Variants in IQSEC3 observed in about 807,000 individuals in gnomAD.
The protein encoded by IQSEC3 is IQ motif and SEC7 domain-containing protein 3.
In IQSEC3, 50 loss-of-function variants were observed where a neutral mutation model predicts 105.4. That is an observed-to-expected ratio of 0.47 (90% CI 0.38 to 0.60). The LOEUF (loss-of-function observed/expected upper bound fraction) is 0.60, where lower values mean the gene tolerates loss of function less well. Among genes scored for constraint, IQSEC3 ranks in the 20% least tolerant of loss-of-function variants. The probability of loss-of-function intolerance (pLI) is 0.00; values close to 1 mark genes in which losing one functional copy is unlikely to be tolerated. For synonymous variants in IQSEC3, 708 were observed against 746.0 expected, an observed-to-expected ratio of 0.95 and a Z score of 0.83; for missense variants, 1,415 against 1,630.0, an observed-to-expected ratio of 0.87 and a Z score of 2.27.
In IQSEC3 at chr12:129,844, C is replaced by G. The variant is rs868918805; in HGVS notation, c.903+3932C>G. Reference sequence around the variant, plus strand: ...CCCCTCCCCACAGATCCCCATACCCCAAGCCTCAGGGTCCAGCCTCACTAT... The same window carrying G: ...CCCCTCCCCACAGATCCCCATACCCGAAGCCTCAGGGTCCAGCCTCACTAT... On this transcript the variant is annotated intron_variant, in intron 3 of 13. Coordinates refer to ENST00000538872, the MANE Select transcript of IQSEC3 (RefSeq NM_001170738.2). 2.6e-5 allele frequency among the ~76,000 whole-genome samples: 4 copies of G among 152,298 alleles called. No homozygotes were observed. In the East Asian group the frequency reaches 7.7e-4, roughly 29 times the overall value.
Position 174,823 on chromosome 12 carries a change from G to A in IQSEC3, c.3339G>A (p.Leu1113=), listed in dbSNP as rs1345927104. The A allele has an allele frequency of 1.3e-6, 2 of 1,581,942 alleles. No homozygotes were observed. The highest frequency in any genetic ancestry group is 1.7e-6 in the Non-Finnish European group (2 of 1,172,536). ...DKPCLARMEP[L]LSQALSCYTS... ...CCTGCCTGGCCCGCATGGAGCCCCTGCTGAGCCAGGCTCTCTCCTGCTACA... is the reference window on the plus strand; with the variant it reads ...CCTGCCTGGCCCGCATGGAGCCCCTACTGAGCCAGGCTCTCTCCTGCTACA... Residue 1113 remains leucine, a synonymous_variant, in exon 14 of 14, where the codon CTG becomes CTA. Coordinates refer to ENST00000538872, the MANE Select transcript of IQSEC3 (RefSeq NM_001170738.2).
chr12:131,534 C>G (rs1865600760), intron 3 of IQSEC3, among the ~76,000 whole-genome samples: 1 of 152,136 alleles, frequency 6.6e-6, no homozygotes, highest in South Asian at 2.1e-4. Context: ...GGTTCCAAGC[C>G]CCGGCCTGGA....
chr12:135,168 C>T (rs782475716), intron 3 of IQSEC3, among the ~76,000 whole-genome samples: 13 of 152,160 alleles, frequency 8.5e-5, no homozygotes, highest in Non-Finnish European at 1.9e-4. Context: ...GTCAGTTTCT[C>T]ATGGTGCTTG....
In IQSEC3 at chr12:82,091, C is replaced by T. The variant is rs543571786; in HGVS notation, c.554+14655C>T. Among the ~76,000 whole-genome samples, 6 of 152,236 alleles carry T rather than the reference C, an allele frequency of 3.9e-5. No individual in the cohort carries two copies. In the South Asian group the frequency reaches 8.3e-4, roughly 21 times the overall value. Reference sequence around the variant, plus strand: ...AAATAGAACATGTGGACCTTTGATCCGGCTTGATTTAGACAAAGCCATTGG... The same window carrying T: ...AAATAGAACATGTGGACCTTTGATCTGGCTTGATTTAGACAAAGCCATTGG... On this transcript the variant is annotated intron_variant, in intron 1 of 13. Coordinates refer to ENST00000538872, the MANE Select transcript of IQSEC3 (RefSeq NM_001170738.2).
chr12:161,845 G>T lies in IQSEC3; in HGVS notation c.2444-81G>T, dbSNP rs1255315520. On this transcript the variant is annotated intron_variant, in intron 7 of 13. Transcript: ENST00000538872. ...CCCCCGGGAGCTCCAGGCTGGATGG[G>T]GGTCTCTTCTGTCTGGCTCCAGGGC... 8 of 1,426,172 alleles carry T rather than the reference G, an allele frequency of 5.6e-6. 1 individual carries two copies. The East Asian group carries it at 1.5e-4, about 27-fold the overall frequency. The allele number at this position is 1,426,172 out of a possible 1,614,324, so 88.3% of individuals were successfully genotyped here.
intron 1 of IQSEC3, among the ~76,000 whole-genome samples, chr12:95,754 T>C (rs536789044): frequency 9.8e-5 from 15 of 152,352 alleles, no homozygotes; most frequent in African/African-American, 3.6e-4. Context: ...TTTTCTCATT[T>C]AACAATATGT....
intron 13 of IQSEC3, 66 bp from the exon 14 acceptor site, chr12:174,533 G>A: frequency 7.1e-7 from 1 of 1,409,852 alleles, no homozygotes; most frequent in Non-Finnish European, 9.4e-7. Flanking sequence ...GCACAGGGCA[G>A]CCTGTCCTAG....
At chr12:94,853 G>A (rs1360617461) in intron 1 of IQSEC3, among the ~76,000 whole-genome samples, 3 of 152,370 alleles carry the variant, frequency 2.0e-5, no homozygotes, top group East Asian at 3.9e-4. Flanking sequence ...AAATGCCAGC[G>A]CTGTGGGTAG....
At chr12:143,490 G>C (rs1204902142) in intron 5 of IQSEC3, 1 of 153,104 alleles carries the variant, frequency 6.5e-6, no homozygotes, top group Non-Finnish European at 1.5e-5. Context: ...CCATCTCTTA[G>C]TGCATTGGTA....
At chr12:123,435 T>G (rs1343086595) in intron 2 of IQSEC3, among the ~76,000 whole-genome samples, 1 of 152,086 alleles carries the variant, frequency 6.6e-6, no homozygotes, top group African/African-American at 2.4e-5. Context: ...AGACACTGGC[T>G]CAAAAATAAA....
intron 1 of IQSEC3, among the ~76,000 whole-genome samples, chr12:76,664 C>G (rs1236521349): frequency 6.6e-6 from 1 of 152,264 alleles, no homozygotes; most frequent in Non-Finnish European, 1.5e-5. Flanking sequence ...CTGGAGCATG[C>G]GGGAGACCAG....
rs1353735991 is a variant in IQSEC3, at chr12:175,310, CT to C, written c.*280del. 1.4e-5 allele frequency: 6 copies of C among 440,946 alleles called. No homozygotes were observed. Among genetic ancestry groups the C allele is most frequent in the African/African-American group, 4.0e-5 (2 of 50,214 alleles). The allele number at this position is 440,946 out of a possible 1,614,324, so 27.3% of individuals were successfully genotyped here. ...AGGCCTCCTCTTCCCCTGGCCACCA[CT>C]TTCCCCCATTGGACCATGGACTGAA... On this transcript the variant is annotated 3_prime_UTR_variant, in exon 14 of 14. Transcript: ENST00000538872.
intron 1 of IQSEC3, among the ~76,000 whole-genome samples, chr12:94,672 T>A (rs1864191130): frequency 6.6e-6 from 1 of 152,224 alleles, no homozygotes; most frequent in East Asian, 1.9e-4. Context: ...TCACTGCAGC[T>A]GAGTCTGGGG....
At position 171,224 on chromosome 12, in the gene IQSEC3, G is replaced by A. The variant is rs201239733; in HGVS notation, c.3114+63G>A. 1,126 of 1,613,754 alleles carry A rather than the reference G, an allele frequency of 7.0e-4. 11 individuals carry two copies. In the South Asian group the frequency reaches 0.011, roughly 16 times the overall value. On this transcript the variant is annotated intron_variant, in intron 13 of 13. Transcript: ENST00000538872. ...CTGCCCCCTTGTTCTTCTTCTCACC[G>A]TCTCTGTTGTTTCTCTTCTCAGGTA...
chr12:126,193 C>T (rs1455923541), intron 3 of IQSEC3, among the ~76,000 whole-genome samples: 4 of 152,246 alleles, frequency 2.6e-5, no homozygotes, highest in Non-Finnish European at 5.9e-5. Flanking sequence ...GCCTCCACCG[C>T]CCCACTGACC....
At chr12:126,053 G>A (rs972844281) in intron 3 of IQSEC3, 141 bp downstream of exon 3, 153 of 921,588 alleles carry the variant, frequency 1.7e-4, no homozygotes, top group Admixed American at 2.2e-4. Flanking sequence ...TGCATTGAGC[G>A]ACCTAGTTTG....
At chr12:153,275 GCCC>G (rs1866569767) in intron 5 of IQSEC3, among the ~76,000 whole-genome samples, 1 of 152,082 alleles carries the variant, frequency 6.6e-6, no homozygotes, top group South Asian at 2.1e-4. Flanking sequence ...GATGACACAG[GCCC>G]CATCAGGAAC....
intron 3 of IQSEC3, among the ~76,000 whole-genome samples, chr12:134,350 CT>C (rs1353449989): frequency 6.6e-6 from 1 of 152,214 alleles, no homozygotes; most frequent in African/African-American, 2.4e-5. Context: ...ATCTGGTTTT[CT>C]TTCCTGCTTG....
chr12:109,389 T>A (rs74054885), intron 2 of IQSEC3, among the ~76,000 whole-genome samples: 8 of 152,140 alleles, frequency 5.3e-5, no homozygotes, highest in Non-Finnish European at 1.0e-4. Context: ...ATCTTCCTTA[T>A]GTAGCCCCCC....
Sources: allele counts gnomAD v4.1 joint callset (sites outside exome capture counted in the v4.1 genomes callset), GRCh38; gene constraint gnomAD v4.1.1; transcripts MANE v1.5; gene names NCBI Gene and HGNC (gene_info 2026-07-23, HGNC 2026-07-21).